Variants in LRRTM4 observed in about 807,000 individuals in gnomAD.
The protein encoded by LRRTM4 is leucine rich repeat transmembrane neuronal 4.
In LRRTM4, 25 loss-of-function variants were observed where a neutral mutation model predicts 47.6. The ratio of observed to expected loss-of-function variants is 0.53; its 90% CI spans 0.38 to 0.73. The LOEUF (loss-of-function observed/expected upper bound fraction) is 0.73, where lower values mean the gene tolerates loss of function less well. LRRTM4 is among the 30% of genes least tolerant of loss of function. The probability of loss-of-function intolerance (pLI) is 0.00; values close to 1 mark genes in which losing one functional copy is unlikely to be tolerated. For synonymous variants in LRRTM4, 311 were observed against 269.5 expected (o/e 1.15, Z -1.51); for missense variants, 638 against 713.4 (o/e 0.89, Z 1.20).
At chr2:76,754,328 T>C (rs888496950) in intron 3 of LRRTM4, among the ~76,000 whole-genome samples, 1 of 152,164 alleles carries the variant, frequency 6.6e-6, no homozygotes, top group Non-Finnish European at 1.5e-5. Context: ...TACTGGTTTT[T>C]TTCAAGAACT....
chr2:77,166,436 AC>A (rs1213136098), intron 3 of LRRTM4, among the ~76,000 whole-genome samples: 2 of 152,178 alleles, frequency 1.3e-5, no homozygotes, highest in Non-Finnish European at 2.9e-5. Context: ...GACTTTCTTC[AC>A]AGAGTTGGAA....
intron 3 of LRRTM4, among the ~76,000 whole-genome samples, chr2:77,423,401 T>C (rs926037801): frequency 2.0e-5 from 3 of 152,136 alleles, no homozygotes; most frequent in African/African-American, 7.2e-5. Flanking sequence ...GACAAATCAC[T>C]CTCTGTAGAT....
chr2:76,942,022 G>A (rs11896560), intron 3 of LRRTM4, among the ~76,000 whole-genome samples: 90,371 of 152,074 alleles, frequency 0.59, 29,157 homozygotes, highest in African/African-American at 0.85. Context: ...GAGAGAGATG[G>A]TAACACATTG....
At chr2:77,427,854 G>A (rs1675183521) in intron 3 of LRRTM4, among the ~76,000 whole-genome samples, 1 of 152,180 alleles carries the variant, frequency 6.6e-6, no homozygotes, top group Non-Finnish European at 1.5e-5. Flanking sequence ...TTAAAGAAGT[G>A]AGGAAGAGTA....
chr2:76,814,444 T>C (rs554158693), intron 3 of LRRTM4, among the ~76,000 whole-genome samples: 93 of 152,176 alleles, frequency 6.1e-4, no homozygotes, highest in African/African-American at 2.1e-3. Flanking sequence ...CAATGTACAC[T>C]TGACTCTCCT....
intron 3 of LRRTM4, among the ~76,000 whole-genome samples, chr2:76,982,879 A>T (rs1174448411): frequency 6.6e-6 from 1 of 152,134 alleles, no homozygotes. Context: ...GTCACAATTT[A>T]TATTAAAAAA....
intron 3 of LRRTM4, among the ~76,000 whole-genome samples, chr2:77,365,877 A>C (rs1462687826): frequency 6.7e-6 from 1 of 149,162 alleles, no homozygotes; most frequent in Non-Finnish European, 1.5e-5. Context: ...GAATGTTGGG[A>C]TTGTGAAATT....
chr2:77,460,582 A>G (rs1676749908), intron 3 of LRRTM4, among the ~76,000 whole-genome samples: 1 of 152,192 alleles, frequency 6.6e-6, no homozygotes, highest in African/African-American at 2.4e-5. Flanking sequence ...GATGATCTAT[A>G]TGGTTCATTG....
chr2:77,112,927 G>A (rs563464313), intron 3 of LRRTM4, among the ~76,000 whole-genome samples: 3 of 152,220 alleles, frequency 2.0e-5, no homozygotes, highest in South Asian at 4.1e-4. Context: ...GCTAACATAC[G>A]AGGGAGAATT....
At chr2:77,407,691 T>C (rs1265004976) in intron 3 of LRRTM4, among the ~76,000 whole-genome samples, 2 of 134,328 alleles carry the variant, frequency 1.5e-5, no homozygotes, top group African/African-American at 6.0e-5. Context: ...TTTAATATAA[T>C]ATATGATATA....
rs368372660 is a variant in LRRTM4 at position 76,748,683 on chromosome 2, T to C, written c.*12A>G. ...CCCCATGGAGCTCCCCAGTGAGGAG[T>C]TGGCTTCAGCGTTAGTTTGCAATTC... On this transcript the variant is annotated 3_prime_UTR_variant, in exon 4 of 4. Transcript: ENST00000409884. 1.6e-5 allele frequency: 23 copies of C among 1,443,432 alleles called. No homozygotes were observed. The highest frequency in any genetic ancestry group is 1.7e-5 in the Non-Finnish European group (18 of 1,046,878). The allele number at this position is 1,443,432 out of a possible 1,614,324, so 89.4% of individuals were successfully genotyped here.
chr2:76,826,505 T>C (rs981304148), intron 3 of LRRTM4, among the ~76,000 whole-genome samples: 13 of 148,682 alleles, frequency 8.7e-5, no homozygotes, highest in Admixed American at 6.2e-4. Flanking sequence ...GGAGAATCAA[T>C]TGTCTTTGAA....
intron 3 of LRRTM4, among the ~76,000 whole-genome samples, chr2:76,860,333 A>T (rs1345626262): frequency 6.6e-6 from 1 of 152,182 alleles, no homozygotes; most frequent in Non-Finnish European, 1.5e-5. Context: ...TACTAATTTG[A>T]TATTCGATGA....
At chr2:77,493,929 G>C (rs1286266679) in intron 3 of LRRTM4, among the ~76,000 whole-genome samples, 1 of 152,000 alleles carries the variant, frequency 6.6e-6, no homozygotes, top group East Asian at 1.9e-4. Context: ...TATTTAATAG[G>C]CAATTTACTT....
chr2:76,798,137 C>T (rs557648039), intron 3 of LRRTM4, among the ~76,000 whole-genome samples: 2 of 152,222 alleles, frequency 1.3e-5, no homozygotes, highest in South Asian at 2.1e-4. Context: ...ACCAAATCAA[C>T]ACAATATACA....
intron 3 of LRRTM4, among the ~76,000 whole-genome samples, chr2:76,774,745 G>T (rs1035231517): frequency 6.6e-6 from 1 of 152,106 alleles, no homozygotes; most frequent in Non-Finnish European, 1.5e-5. Context: ...CATAATTTCT[G>T]TCTGACATTT....
chr2:77,119,939 G>T (rs932974504), intron 3 of LRRTM4, among the ~76,000 whole-genome samples: 3 of 151,792 alleles, frequency 2.0e-5, no homozygotes, highest in South Asian at 2.1e-4. Flanking sequence ...GTATGCTGAG[G>T]TAACACATAA....
intron 3 of LRRTM4, among the ~76,000 whole-genome samples, chr2:77,025,626 G>A (rs762851302): frequency 2.0e-5 from 3 of 151,978 alleles, no homozygotes; most frequent in Non-Finnish European, 4.4e-5. Flanking sequence ...TTGTACAATA[G>A]CTTAGTAAGT....
At chr2:76,794,315 A>C (rs1675140988) in intron 3 of LRRTM4, among the ~76,000 whole-genome samples, 1 of 152,220 alleles carries the variant, frequency 6.6e-6, no homozygotes, top group Non-Finnish European at 1.5e-5. Context: ...CATTAGTATG[A>C]AAGGAAGTTA....
Sources: gnomAD v4.1 joint callset for allele counts (sites outside exome capture counted in the v4.1 genomes callset) on GRCh38, gnomAD v4.1.1 for gene constraint, MANE v1.5 for transcripts, NCBI Gene and HGNC (gene_info 2026-07-23, HGNC 2026-07-21) for gene names.